ZNF79: variants seen among roughly 807,000 people sequenced by gnomAD.
ZNF79 encodes zinc finger protein 79, also known as ZNFpT7.
In ZNF79, 13 loss-of-function variants were observed where a neutral mutation model predicts 14.9. The observed-to-expected ratio is 0.87, with a 90% CI of 0.57 to 1.38. The LOEUF (loss-of-function observed/expected upper bound fraction) is 1.38, where lower values mean the gene tolerates loss of function less well. Ranked by LOEUF, ZNF79 falls within the 40% of genes most tolerant of loss-of-function variation. The pLI is 0.00. For synonymous variants in ZNF79, 223 were observed against 235.1 expected (o/e 0.95, Z 0.47); for missense variants, 631 against 630.6 (o/e 1.00, Z -0.01).
chr9:127,436,110 AC>A, intron 4 of ZNF79, 107 bp downstream of exon 4: 1 of 896,092 alleles, frequency 1.1e-6, no homozygotes, highest in Non-Finnish European at 1.8e-6. Context: ...AGGCGCTATT[AC>A]CCCCATTCTA....
intron 4 of ZNF79, 127 bp from the exon 5 acceptor site, chr9:127,443,902 A>G (rs868140501): frequency 1.4e-3 from 407 of 290,556 alleles, no homozygotes; most frequent in African/African-American, 8.5e-3. Flanking sequence ...CTCCGTCTCA[A>G]AAAAAAAAAA....
chr9:127,431,424 T>G (rs941185764), intron 2 of ZNF79, among the ~76,000 whole-genome samples: 7 of 152,102 alleles, frequency 4.6e-5, no homozygotes, highest in Non-Finnish European at 1.0e-4. Flanking sequence ...AATTTTTGTA[T>G]TTTTAGTAGA....
chr9:127,429,324 TA>T (rs1168270719), intron 2 of ZNF79, among the ~76,000 whole-genome samples: 1 of 150,834 alleles, frequency 6.6e-6, no homozygotes, highest in Admixed American at 6.6e-5. Context: ...CCTGTTTTAT[TA>T]TTTTTTTTTT....
chr9:127,424,643 C>G lies in ZNF79; in HGVS notation c.-145C>G, dbSNP rs1395812594. ...GCGACCCAGCACCGCAGGATCAGAC[C>G]GTGCCTCTGCGGGGAGAGGCTGGAG... On this transcript the variant is annotated 5_prime_UTR_variant, in exon 1 of 5. Transcript: ENST00000342483. The G allele has an allele frequency of 4.7e-6, 6 of 1,284,510 alleles. No individual in the cohort carries two copies. Among genetic ancestry groups the G allele is most frequent in the South Asian group, 2.6e-5 (2 of 76,818 alleles). 79.6% of individuals were successfully genotyped at this position (1,284,510 alleles called of 1,614,324 possible).
intron 2 of ZNF79, among the ~76,000 whole-genome samples, chr9:127,434,123 A>G (rs1419887094): frequency 6.6e-6 from 1 of 151,986 alleles, no homozygotes; most frequent in Non-Finnish European, 1.5e-5. Context: ...ACACACGAGG[A>G]CTGTGTCACC....
chr9:127,431,091 T>C (rs1055676870), intron 2 of ZNF79, among the ~76,000 whole-genome samples: 1 of 152,198 alleles, frequency 6.6e-6, no homozygotes, highest in Non-Finnish European at 1.5e-5. Context: ...TAAGTGTGTC[T>C]GCTCATGTCT....
At chr9:127,441,548 A>T (rs968743988) in intron 4 of ZNF79, among the ~76,000 whole-genome samples, 8 of 151,902 alleles carry the variant, frequency 5.3e-5, no homozygotes, top group African/African-American at 1.9e-4. Context: ...GTGGTGGCTC[A>T]CACCTGTAAT....
chr9:127,437,276 A>G (rs1440345952), intron 4 of ZNF79, among the ~76,000 whole-genome samples: 1 of 151,074 alleles, frequency 6.6e-6, no homozygotes, highest in Non-Finnish European at 1.5e-5. Flanking sequence ...GGCACTACTC[A>G]TGCTTGTTGA....
In ZNF79 at chr9:127,435,943, T is replaced by G. The variant is rs1374654874; in HGVS notation, c.268T>G (p.Leu90Val). ...PVSQPGMNSQ[L>V]EQREGAWMLE... ...TTCCCAGCCTGGCATGAACTCCCAG[T>G]TGGAACAAAGGGAAGGCGCATGGAT... The change falls in exon 4 of 5, where the codon TTG becomes GTG. Residue 90 changes from leucine (L) to valine (V), a missense_variant. Leu to Val is a conservative substitution (Grantham distance 32, BLOSUM62 1). Transcript: ENST00000342483. 6.2e-7 allele frequency: 1 copy of G among 1,614,192 alleles called. No individual in the cohort carries two copies. The highest frequency in any genetic ancestry group is 2.2e-5 in the East Asian group (1 of 44,886).
intron 4 of ZNF79, among the ~76,000 whole-genome samples, chr9:127,443,349 A>G (rs1175461863): frequency 6.6e-6 from 1 of 152,196 alleles, no homozygotes; most frequent in African/African-American, 2.4e-5. Flanking sequence ...CAGGAGGTTG[A>G]GGCTGCAGTG....
Position 127,444,470 on chromosome 9 carries a change from C to G in ZNF79, c.770C>G (p.Ala257Gly), listed in dbSNP as rs760061586. 2 of 1,609,954 alleles carry G rather than the reference C, an allele frequency of 1.2e-6. No homozygotes were observed. The highest frequency in any genetic ancestry group is 1.1e-5 in the South Asian group (1 of 90,924). Residue 257 changes from alanine (A) to glycine (G), a missense_variant, in exon 5 of 5, where the codon GCC becomes GGC. Transcript: ENST00000342483. ...KPYKCSECGRAFSQNANLTKH... is the reference protein window; with the variant it reads ...KPYKCSECGRGFSQNANLTKH... ...TACAAGTGCAGTGAATGTGGAAGAG[C>G]CTTCAGCCAGAACGCCAACCTCACC... is the stretch of plus-strand genomic sequence containing the variant.
At chr9:127,438,164 A>C (rs1397769517) in intron 4 of ZNF79, among the ~76,000 whole-genome samples, 1 of 152,142 alleles carries the variant, frequency 6.6e-6, no homozygotes, top group Non-Finnish European at 1.5e-5. Context: ...CCAAGCAAGC[A>C]GACACCGTCT....
At chr9:127,443,956 C>A in intron 4 of ZNF79, 73 bp from the exon 5 acceptor site, 2 of 1,288,454 alleles carry the variant, frequency 1.6e-6, no homozygotes, top group Non-Finnish European at 1.1e-6. Context: ...TGTGTAAGAG[C>A]TTGGCCAGAC....
At chr9:127,429,333 T>TA (rs946759134) in intron 2 of ZNF79, among the ~76,000 whole-genome samples, 5 of 151,216 alleles carry the variant, frequency 3.3e-5, no homozygotes, top group Non-Finnish European at 5.9e-5. Context: ...TTATTTTTTT[T>TA]TTTTTGAGAC....
At position 127,441,938 on chromosome 9, in the gene ZNF79, C is replaced by G. The variant is rs1834055625; in HGVS notation, c.329-2091C>G. 3.5e-5 allele frequency among the ~76,000 whole-genome samples: 5 copies of G among 142,606 alleles called. No individual in the cohort carries two copies. In the South Asian group the frequency reaches 1.1e-3, roughly 32 times the overall value. The allele number at this position is 142,606 out of a possible 152,430, so 93.6% of individuals were successfully genotyped here. ...CCAGCCTGGGTGACAGAGTGAGACT[C>G]CGTCTCAAAAAAAAAAAAAAAATAC... On this transcript the variant is annotated intron_variant, in intron 4 of 4. Coordinates refer to ENST00000342483, the MANE Select transcript of ZNF79 (RefSeq NM_007135.3).
At chr9:127,442,284 C>T (rs1834062857) in intron 4 of ZNF79, among the ~76,000 whole-genome samples, 1 of 151,474 alleles carries the variant, frequency 6.6e-6, no homozygotes, top group South Asian at 2.1e-4. Flanking sequence ...ACCTGTAATC[C>T]CAGCCACTTG....
chr9:127,427,603 G>A (rs964669692), intron 1 of ZNF79, among the ~76,000 whole-genome samples: 2 of 146,260 alleles, frequency 1.4e-5, no homozygotes, highest in Non-Finnish European at 3.0e-5. Context: ...GCGTAATGGC[G>A]TGATCTCAGG....
intron 4 of ZNF79, among the ~76,000 whole-genome samples, chr9:127,438,661 C>T (rs1833991560): frequency 6.6e-6 from 1 of 152,198 alleles, no homozygotes; most frequent in Non-Finnish European, 1.5e-5. Flanking sequence ...AGCATTCCTT[C>T]CTCCAGGGTA....
At chr9:127,425,193 G>A (rs1397267418) in intron 1 of ZNF79, among the ~76,000 whole-genome samples, 3 of 152,126 alleles carry the variant, frequency 2.0e-5, no homozygotes, top group African/African-American at 7.2e-5. Context: ...TGGAAGCCCG[G>A]GAAAGTTTGG....
Sources: allele counts gnomAD v4.1 joint callset (sites outside exome capture counted in the v4.1 genomes callset), GRCh38; gene constraint gnomAD v4.1.1; transcripts MANE v1.5; gene names NCBI Gene and HGNC (gene_info 2026-07-23, HGNC 2026-07-21).